Variants in BCAS3 observed in about 807,000 individuals in gnomAD.
The protein encoded by BCAS3 is BCAS4/BCAS3 fusion.
Under a neutral mutation model 116.1 loss-of-function variants are expected in BCAS3, and 53 were observed. The ratio of observed to expected loss-of-function variants is 0.46; its 90% CI spans 0.37 to 0.57. The LOEUF is 0.57. BCAS3 is among the 20% of genes least tolerant of loss of function. The pLI is 0.00. For missense variants in BCAS3, 917 were observed against 1,165.4 expected (o/e 0.79, Z 3.10); for synonymous variants, 391 against 408.2 (o/e 0.96, Z 0.51).
rs1396708288 is a variant in BCAS3 at position 61,200,178 on chromosome 17, AACTTACTGTTG to A, written c.2425+115620_2425+115630del. On this transcript the variant is annotated intron_variant, in intron 22 of 23. Transcript: ENST00000407086. This position sits in a 1 kb window ranked among gnomAD's most constrained non-coding sequence, Gnocchi z 5.1. ...AAAAAACAAAACAAAACCAACTTAGAACTTACTGTTGACTTAGTGATAAAGTTTTTATTCAG... is the reference window on the plus strand; with the variant it reads ...AAAAAACAAAACAAAACCAACTTAGAACTTAGTGATAAAGTTTTTATTCAG... Among the ~76,000 whole-genome samples the A allele has an allele frequency of 6.6e-6, 1 of 152,228 alleles. No individual in the cohort carries two copies. The highest frequency in any genetic ancestry group is 2.4e-5 in the African/African-American group (1 of 41,466).
intron 11 of BCAS3, 27 bp from the exon 12 acceptor site, chr17:60,910,505 T>TAAA: frequency 6.5e-7 from 1 of 1,545,620 alleles, no homozygotes; most frequent in Non-Finnish European, 8.7e-7. Flanking sequence ...TGATGTGAAG[T>TAAA]CATACATTTT....
At chr17:60,791,216 A>T (rs886248451) in intron 6 of BCAS3, among the ~76,000 whole-genome samples, 1 of 152,204 alleles carries the variant, frequency 6.6e-6, no homozygotes, top group Non-Finnish European at 1.5e-5. Context: ...GTCTTAACTT[A>T]ATTTTCAGTC....
At chr17:60,742,028 G>A (rs1200428258) in intron 5 of BCAS3, among the ~76,000 whole-genome samples, 3 of 152,106 alleles carry the variant, frequency 2.0e-5, no homozygotes, top group Non-Finnish European at 4.4e-5. Flanking sequence ...GATTTGGGAT[G>A]TTATTATAGC....
chr17:61,012,636 A>G lies in BCAS3; in HGVS notation c.1487-3115A>G, dbSNP rs2065186575. 6.6e-6 allele frequency among the ~76,000 whole-genome samples: 1 copy of G among 152,054 alleles called. No homozygotes were observed. The highest frequency in any genetic ancestry group is 2.1e-4 in the South Asian group (1 of 4,828). ...GAACATAAACATGAATGTAAAACCT[A>G]CACAACTTACTTTGCTCTCTCAGAT... is the stretch of plus-strand genomic sequence containing the variant. On this transcript the variant is annotated intron_variant, in intron 15 of 23. Coordinates refer to ENST00000407086, the MANE Select transcript of BCAS3 (RefSeq NM_017679.5). This position sits in a 1 kb window ranked among gnomAD's most constrained non-coding sequence, Gnocchi z 4.5.
chr17:61,372,371 G>A (rs77668895), intron 23 of BCAS3, among the ~76,000 whole-genome samples: 1 of 152,062 alleles, frequency 6.6e-6, no homozygotes, highest in Non-Finnish European at 1.5e-5. Flanking sequence ...TCTTGGCCCT[G>A]GTCTCTTCTC....
rs58589853 is a variant in BCAS3, at chr17:61,388,959, ATCAT to A, written c.2594-2977_2594-2974del. 239,993 of 303,188 alleles carry A rather than the reference ATCAT, an allele frequency of 0.79. 97,102 individuals carry two copies. The highest frequency in any genetic ancestry group is 0.85 in the Non-Finnish European group (138,349 of 162,248). 18.8% of individuals were successfully genotyped at this position (303,188 alleles called of 1,614,324 possible). On this transcript the variant is annotated intron_variant, in intron 23 of 23. Transcript: ENST00000407086. This position sits in a 1 kb window ranked among gnomAD's most constrained non-coding sequence, Gnocchi z 6.5. ...ATGGGCCCCCACCTCCCCTTACCAC[ATCAT>A]TCATTCATTCATTCATTCATTCATT...
At chr17:61,011,184 T>C (rs2065090730) in intron 15 of BCAS3, among the ~76,000 whole-genome samples, 1 of 152,080 alleles carries the variant, frequency 6.6e-6, no homozygotes, top group South Asian at 2.1e-4. Context: ...GAAAGGTTAG[T>C]GAAGGTGATA....
At chr17:60,987,109 A>C (rs1221496905) in intron 14 of BCAS3, 1 of 151,996 alleles carries the variant, frequency 6.6e-6, no homozygotes, top group African/African-American at 2.4e-5. Flanking sequence ...AATATATGTT[A>C]TTGACGTCTT....
At chr17:60,694,483 G>C (rs1319323400) in intron 4 of BCAS3, among the ~76,000 whole-genome samples, 1 of 151,898 alleles carries the variant, frequency 6.6e-6, no homozygotes, top group Admixed American at 6.6e-5. Flanking sequence ...CCTGGTGACA[G>C]AGTGAGATTC....
At chr17:60,951,825 A>G (rs2060853881) in intron 14 of BCAS3, among the ~76,000 whole-genome samples, 1 of 140,428 alleles carries the variant, frequency 7.1e-6, no homozygotes, top group South Asian at 2.2e-4. Context: ...GCTGGAGTGC[A>G]ATGGCACAAT....
chr17:60,918,841 C>T (rs1323108567), intron 12 of BCAS3, among the ~76,000 whole-genome samples: 2 of 151,852 alleles, frequency 1.3e-5, no homozygotes, highest in African/African-American at 4.8e-5. Context: ...TACAGGCACC[C>T]GCCACAATGC....
Position 61,355,864 on chromosome 17 carries a change from T to G in BCAS3, c.2426-12463T>G, listed in dbSNP as rs1051608839. Reference sequence around the variant, plus strand: ...CTTGTTTTTCCATTGAAGGAATTGCTAGGTTTCCGAGGATAGTTTGTCTTG... The same window carrying G: ...CTTGTTTTTCCATTGAAGGAATTGCGAGGTTTCCGAGGATAGTTTGTCTTG... On this transcript the variant is annotated intron_variant, in intron 22 of 23. Transcript: ENST00000407086. The surrounding 1 kb of genome is among the most constrained non-coding windows in gnomAD (Gnocchi z 4.2). Among the ~76,000 whole-genome samples, 2 of 152,212 alleles carry G rather than the reference T, an allele frequency of 1.3e-5. No individual in the cohort carries two copies. The highest frequency in any genetic ancestry group is 2.9e-5 in the Non-Finnish European group (2 of 68,024).
intron 10 of BCAS3, among the ~76,000 whole-genome samples, chr17:60,893,635 G>T (rs2057326062): frequency 7.8e-6 from 1 of 128,766 alleles, no homozygotes; most frequent in Non-Finnish European, 1.6e-5. Flanking sequence ...GCACGACAGA[G>T]TGTAGCTCTG....
chr17:61,086,923 A>C, intron 22 of BCAS3: 1 of 985,402 alleles, frequency 1.0e-6, no homozygotes, highest in Non-Finnish European at 1.2e-6. Context: ...TTTGTCGTGG[A>C]ATGTCCATCT....
intron 22 of BCAS3, among the ~76,000 whole-genome samples, chr17:61,094,091 G>T (rs571487598): frequency 1.3e-5 from 2 of 152,198 alleles, no homozygotes; most frequent in African/African-American, 2.4e-5. Context: ...CTGGTGGCCT[G>T]TTATCATAGT....
intron 19 of BCAS3, among the ~76,000 whole-genome samples, chr17:61,045,011 T>G (rs892535770): frequency 6.6e-6 from 1 of 152,018 alleles, no homozygotes; most frequent in African/African-American, 2.4e-5. Flanking sequence ...CCACCCCGTC[T>G]CTGCCTCCCA....
chr17:60,851,949 G>T (rs1035232781), intron 7 of BCAS3, among the ~76,000 whole-genome samples: 1 of 151,810 alleles, frequency 6.6e-6, no homozygotes, highest in African/African-American at 2.4e-5. Context: ...TTATTTTTTG[G>T]TACAACCAGA....
chr17:60,727,258 G>A (rs1688889540), intron 5 of BCAS3: 2 of 1,044,038 alleles, frequency 1.9e-6, no homozygotes, highest in Non-Finnish European at 3.0e-6. Flanking sequence ...TGGATCTGCA[G>A]TTAGGCTCAA....
chr17:60,728,048 A>G (rs2040081133), intron 5 of BCAS3, among the ~76,000 whole-genome samples: 1 of 151,966 alleles, frequency 6.6e-6, no homozygotes, highest in Admixed American at 6.6e-5. Flanking sequence ...ACCTCAAGTG[A>G]TCTGCCCACC....
Sources: allele counts gnomAD v4.1 joint callset (sites outside exome capture counted in the v4.1 genomes callset), GRCh38; gene constraint gnomAD v4.1.1; non-coding constraint Gnocchi (gnomAD v3.1); transcripts MANE v1.5; gene names NCBI Gene and HGNC (gene_info 2026-07-23, HGNC 2026-07-21).